MED13L: variants seen among roughly 807,000 people sequenced by gnomAD.
MED13L encodes the protein mediator complex subunit 13L, also known as mediator of RNA polymerase II transcription subunit 13-like.
MED13L carries 7 observed loss-of-function variants against 220.9 expected under a neutral mutation model. The ratio of observed to expected loss-of-function variants is 0.03; its 90% confidence interval spans 0.02 to 0.06. The LOEUF is 0.06. Among genes scored for constraint, MED13L ranks in the 10% least tolerant of loss-of-function variants. The probability of loss-of-function intolerance (pLI) is 1.00; values close to 1 mark genes in which losing one functional copy is unlikely to be tolerated. For missense variants in MED13L, 1,965 were observed against 2,760.5 expected (o/e 0.71, Z 6.46); for synonymous variants, 1,011 against 1,015.2 (o/e 1.00, Z 0.08).
At chr12:116,186,380 C>T (rs1293809736) in intron 2 of MED13L, among the ~76,000 whole-genome samples, 8 of 152,178 alleles carry the variant, frequency 5.3e-5, no homozygotes, top group Admixed American at 5.2e-4. Flanking sequence ...TTTTCCTACA[C>T]ACACCACTGG....
intron 1 of MED13L, among the ~76,000 whole-genome samples, chr12:116,272,012 ATC>A (rs1473864246): frequency 6.6e-6 from 1 of 151,932 alleles, no homozygotes; most frequent in Non-Finnish European, 1.5e-5. Context: ...TTCAAAAAAA[ATC>A]TACTCTATCT....
At chr12:116,067,759 G>A (rs540679830) in intron 4 of MED13L, among the ~76,000 whole-genome samples, 19 of 152,246 alleles carry the variant, frequency 1.2e-4, no homozygotes, top group African/African-American at 4.1e-4. Flanking sequence ...AGACACTTGC[G>A]TATTCTCATC....
chr12:116,048,148 C>A (rs1881950566), intron 4 of MED13L, among the ~76,000 whole-genome samples: 1 of 151,842 alleles, frequency 6.6e-6, no homozygotes, highest in South Asian at 2.1e-4. Context: ...TCTGAACAAC[C>A]TGGGAACTAA....
At chr12:116,070,142 G>A (rs1021099699) in intron 4 of MED13L, among the ~76,000 whole-genome samples, 2 of 152,184 alleles carry the variant, frequency 1.3e-5, no homozygotes, top group African/African-American at 4.8e-5. Flanking sequence ...GTAGCTGCCA[G>A]GGGTCATGTC....
chr12:116,276,100 G>A (rs1873791799), intron 1 of MED13L, among the ~76,000 whole-genome samples: 2 of 152,166 alleles, frequency 1.3e-5, no homozygotes, highest in Non-Finnish European at 2.9e-5. Context: ...AAGAGTTGCT[G>A]GAGCCCTATA....
chr12:116,019,441 C>G, intron 6 of MED13L, 29 bp from the exon 7 acceptor site: 2 of 1,608,364 alleles, frequency 1.2e-6, no homozygotes, highest in Non-Finnish European at 1.7e-6. Context: ...AGGAAAGAAT[C>G]AGGACTGAGA....
At chr12:116,049,510 GA>G (rs1375951523) in intron 4 of MED13L, among the ~76,000 whole-genome samples, 1 of 151,834 alleles carries the variant, frequency 6.6e-6, no homozygotes, top group East Asian at 1.9e-4. Flanking sequence ...CATGGCAAAA[GA>G]AAAAAATGAT....
intron 2 of MED13L, among the ~76,000 whole-genome samples, chr12:116,146,061 C>T (rs562591934): frequency 2.6e-5 from 4 of 152,214 alleles, no homozygotes; most frequent in Non-Finnish European, 5.9e-5. Flanking sequence ...ACGGCTTTGA[C>T]TGCAGCCCAA....
At chr12:116,209,013 C>T (rs1453281900) in intron 2 of MED13L, among the ~76,000 whole-genome samples, 2 of 151,984 alleles carry the variant, frequency 1.3e-5, no homozygotes, top group African/African-American at 4.8e-5. Flanking sequence ...AAAGGAAATA[C>T]TACTATCTGA....
chr12:116,134,255 G>A (rs1439183182), intron 2 of MED13L, among the ~76,000 whole-genome samples: 3 of 152,142 alleles, frequency 2.0e-5, no homozygotes, highest in African/African-American at 7.2e-5. Flanking sequence ...AGTGTTGGAT[G>A]ATAAATCATT....
At chr12:116,063,213 T>C (rs534756833) in intron 4 of MED13L, among the ~76,000 whole-genome samples, 1 of 152,296 alleles carries the variant, frequency 6.6e-6, no homozygotes, top group Admixed American at 6.5e-5. Context: ...TTTTTTGTAC[T>C]GATAGTAGAT....
intron 4 of MED13L, among the ~76,000 whole-genome samples, chr12:116,086,596 A>G (rs1871714426): frequency 6.6e-6 from 1 of 152,080 alleles, no homozygotes; most frequent in African/African-American, 2.4e-5. Flanking sequence ...ATATTCTTTA[A>G]CCATAAATAT....
chr12:116,241,334 A>C (rs1339501969), intron 1 of MED13L, among the ~76,000 whole-genome samples: 2 of 147,638 alleles, frequency 1.4e-5, no homozygotes, highest in African/African-American at 5.0e-5. Flanking sequence ...CAAAAAAACA[A>C]AAAAAAAACA....
At chr12:116,208,313 T>C (rs1359287530) in intron 2 of MED13L, among the ~76,000 whole-genome samples, 1 of 152,228 alleles carries the variant, frequency 6.6e-6, no homozygotes, top group African/African-American at 2.4e-5. Flanking sequence ...GGAGAATCAC[T>C]TGAACTCAGG....
chr12:116,129,319 G>C (rs1189149336), intron 2 of MED13L, among the ~76,000 whole-genome samples: 7 of 152,154 alleles, frequency 4.6e-5, no homozygotes, highest in African/African-American at 1.7e-4. Context: ...GAAGAGAGAA[G>C]AAACTGAAAT....
At chr12:116,150,750 G>A (rs999209959) in intron 2 of MED13L, among the ~76,000 whole-genome samples, 3 of 152,108 alleles carry the variant, frequency 2.0e-5, no homozygotes, top group Non-Finnish European at 2.9e-5. Context: ...TTTATTTATG[G>A]ACAACCTAGA....
At chr12:116,226,584 T>C (rs1309299516) in intron 2 of MED13L, among the ~76,000 whole-genome samples, 1 of 152,148 alleles carries the variant, frequency 6.6e-6, no homozygotes, top group Non-Finnish European at 1.5e-5. Flanking sequence ...TAAAACAGAT[T>C]TCGGCCAGGA....
At position 116,012,921 on chromosome 12, in the gene MED13L, G is replaced by T; in HGVS notation, c.1176-20C>A. 1.3e-6 allele frequency: 2 copies of T among 1,556,548 alleles called. No homozygotes were observed. Among genetic ancestry groups the T allele is most frequent in the Non-Finnish European group, 1.8e-6 (2 of 1,127,866 alleles). Reference sequence around the variant, plus strand: ...CTCCTCCTAAAAGGGTTAAAAATGTGACTTATGTGTGAACATAATACCCAT... The same window carrying T: ...CTCCTCCTAAAAGGGTTAAAAATGTTACTTATGTGTGAACATAATACCCAT... On this transcript the variant is annotated intron_variant, in intron 8 of 30. Transcript: ENST00000281928.
intron 2 of MED13L, among the ~76,000 whole-genome samples, chr12:116,172,043 G>C (rs1480956673): frequency 2.0e-5 from 3 of 152,110 alleles, no homozygotes. Flanking sequence ...TAATCAGCAA[G>C]TATTGAATAA....
Sources: allele counts gnomAD v4.1 joint callset (sites outside exome capture counted in the v4.1 genomes callset), GRCh38; gene constraint gnomAD v4.1.1; transcripts MANE v1.5; gene names NCBI Gene and HGNC (gene_info 2026-07-23, HGNC 2026-07-21).